Variants in DLG2 observed in about 807,000 individuals in gnomAD.
The protein encoded by DLG2 is discs large MAGUK scaffold protein 2, also known as disks large homolog 2.
DLG2 carries 45 observed loss-of-function variants against 132.5 expected under a neutral mutation model. The ratio of observed to expected loss-of-function variants is 0.34; its 90% CI spans 0.27 to 0.44. DLG2 has a LOEUF of 0.44. DLG2 is among the 20% of genes least tolerant of loss of function. DLG2 has a pLI of 1.00. For synonymous variants in DLG2, 424 were observed against 419.6 expected (o/e 1.01, Z -0.13); for missense variants, 1,045 against 1,196.9 (o/e 0.87, Z 1.87).
intron 6 of DLG2, among the ~76,000 whole-genome samples, chr11:84,960,549 C>T (rs1027777342): frequency 6.6e-6 from 1 of 151,810 alleles, no homozygotes; most frequent in Non-Finnish European, 1.5e-5. Context: ...TGTTCTCCTG[C>T]CTCAGCCTCC....
intron 4 of DLG2, among the ~76,000 whole-genome samples, chr11:85,222,031 G>A (rs900715867): frequency 6.6e-6 from 1 of 151,622 alleles, no homozygotes; most frequent in African/African-American, 2.4e-5. Context: ...TCCACCTCCC[G>A]GGTTCAAGCT....
intron 7 of DLG2, among the ~76,000 whole-genome samples, chr11:84,308,192 AG>A (rs1242017229): frequency 6.6e-6 from 1 of 152,086 alleles, no homozygotes; most frequent in African/African-American, 2.4e-5. Flanking sequence ...CTGTTTTGAC[AG>A]GGGGCTGATT....
chr11:83,973,584 A>G (rs1277076984), intron 12 of DLG2, among the ~76,000 whole-genome samples: 1 of 152,086 alleles, frequency 6.6e-6, no homozygotes, highest in African/African-American at 2.4e-5. Flanking sequence ...AATGAGCACT[A>G]CCACCAAAGT....
At chr11:84,523,248 A>G (rs1301649609) in intron 7 of DLG2, among the ~76,000 whole-genome samples, 4 of 152,158 alleles carry the variant, frequency 2.6e-5, no homozygotes, top group Non-Finnish European at 4.4e-5. Flanking sequence ...AGTACTACAG[A>G]CTTTCCACGT....
At chr11:84,922,225 A>G (rs189723112) in intron 6 of DLG2, among the ~76,000 whole-genome samples, 1 of 152,030 alleles carries the variant, frequency 6.6e-6, no homozygotes, top group African/African-American at 2.4e-5. Context: ...ACTGCTTCTT[A>G]ATTATTTTTT....
chr11:85,299,200 C>T (rs116688342), intron 3 of DLG2, among the ~76,000 whole-genome samples: 19 of 152,176 alleles, frequency 1.2e-4, no homozygotes, highest in South Asian at 8.3e-4. Flanking sequence ...TATCCCTTTA[C>T]GAAGGAAGAA....
In DLG2 at chr11:83,456,239, G is replaced by A. The variant is rs747682378; in HGVS notation, c.*3579C>T. 1.1e-4 allele frequency: 17 copies of A among 152,906 alleles called. No individual in the cohort carries two copies. The highest frequency in any genetic ancestry group is 5.9e-5 in the Non-Finnish European group (4 of 68,234). 9.5% of individuals were successfully genotyped at this position (152,906 alleles called of 1,614,324 possible). ...AGCAGTGTTCAGGCAGAGGCACTCA[G>A]GCGCCGGCAGGGCCCACAGCACATG... On this transcript the variant is annotated 3_prime_UTR_variant, in exon 28 of 28. Coordinates refer to ENST00000376104, the MANE Select transcript of DLG2 (RefSeq NM_001142699.3).
intron 6 of DLG2, among the ~76,000 whole-genome samples, chr11:84,977,727 A>G (rs1010649515): frequency 1.3e-5 from 2 of 152,238 alleles, no homozygotes; most frequent in African/African-American, 2.4e-5. Flanking sequence ...CTCATTTCCT[A>G]TATTTTCCTA....
chr11:84,712,050 T>G (rs541400063), intron 6 of DLG2, among the ~76,000 whole-genome samples: 1 of 152,182 alleles, frequency 6.6e-6, no homozygotes, highest in Non-Finnish European at 1.5e-5. Context: ...TTATTAAGTA[T>G]TACATGCCAT....
chr11:85,488,128 C>T (rs140527093), intron 3 of DLG2, among the ~76,000 whole-genome samples: 3,380 of 152,280 alleles, frequency 0.022, 120 homozygotes, highest in African/African-American at 0.076. Flanking sequence ...CAGTGGCTCA[C>T]GCCTGTGATC....
chr11:83,627,617 T>C (rs900816733), intron 19 of DLG2, among the ~76,000 whole-genome samples: 4 of 152,236 alleles, frequency 2.6e-5, no homozygotes, highest in African/African-American at 9.6e-5. Flanking sequence ...CTATTGTTGG[T>C]GGACATTTGG....
chr11:84,050,218 T>C (rs1423457176), intron 11 of DLG2, among the ~76,000 whole-genome samples: 1 of 151,068 alleles, frequency 6.6e-6, no homozygotes, highest in African/African-American at 2.4e-5. Flanking sequence ...AAGATTGGTA[T>C]AGAAGATATG....
chr11:85,443,245 C>A (rs571906061), intron 3 of DLG2, among the ~76,000 whole-genome samples: 127 of 152,264 alleles, frequency 8.3e-4, no homozygotes, highest in Non-Finnish European at 1.3e-3. Flanking sequence ...GACTGTGAGT[C>A]CCTTGGGTGA....
intron 4 of DLG2, among the ~76,000 whole-genome samples, chr11:85,238,322 C>A (rs1384233038): frequency 6.6e-6 from 1 of 151,434 alleles, no homozygotes; most frequent in African/African-American, 2.4e-5. Context: ...TGGCTCACTG[C>A]AACCTCTCCC....
chr11:83,845,753 T>C (rs2154023828), intron 16 of DLG2, among the ~76,000 whole-genome samples: 1 of 152,340 alleles, frequency 6.6e-6, no homozygotes, highest in East Asian at 1.9e-4. Context: ...GGAAAGAGTA[T>C]GGGCATTGGA....
chr11:84,340,769 G>A (rs1263295290), intron 7 of DLG2, among the ~76,000 whole-genome samples: 2 of 152,068 alleles, frequency 1.3e-5, no homozygotes, highest in African/African-American at 4.8e-5. Flanking sequence ...GCATATGTTA[G>A]GAGGTAGGTG....
chr11:83,522,783 A>G (rs2095513672), intron 21 of DLG2, among the ~76,000 whole-genome samples: 1 of 146,416 alleles, frequency 6.8e-6, no homozygotes, highest in African/African-American at 2.6e-5. Context: ...AAAGTTAAGA[A>G]TAGGATAGTC....
intron 6 of DLG2, among the ~76,000 whole-genome samples, chr11:84,701,419 T>G (rs1378934985): frequency 6.6e-6 from 1 of 151,612 alleles, no homozygotes; most frequent in Non-Finnish European, 1.5e-5. Context: ...CCTTTACTTC[T>G]AGGAATTATT....
chr11:83,911,610 T>G (rs1393122664), intron 15 of DLG2, among the ~76,000 whole-genome samples: 1 of 152,130 alleles, frequency 6.6e-6, no homozygotes, highest in African/African-American at 2.4e-5. Context: ...ACTGCTAGCT[T>G]CTGTTGCCTC....
Sources: gnomAD v4.1 joint callset for allele counts (sites outside exome capture counted in the v4.1 genomes callset) on GRCh38, gnomAD v4.1.1 for gene constraint, MANE v1.5 for transcripts, NCBI Gene and HGNC (gene_info 2026-07-23, HGNC 2026-07-21) for gene names.